EVL: variants seen among roughly 807,000 people sequenced by gnomAD.
The protein encoded by EVL is ena/VASP-like protein.
A neutral mutation model predicts 59.6 loss-of-function variants in EVL; 21 were observed. That is an observed-to-expected ratio of 0.35 (90% CI 0.25 to 0.51). The LOEUF (loss-of-function observed/expected upper bound fraction) is 0.51, where lower values mean the gene tolerates loss of function less well. EVL is among the 20% of genes least tolerant of loss of function. The pLI, the probability that EVL is intolerant of heterozygous loss-of-function variation, is 0.97. For missense variants in EVL, 462 were observed against 546.6 expected (o/e 0.85, Z 1.54); for synonymous variants, 198 against 203.5 (o/e 0.97, Z 0.23).
intron 1 of EVL, among the ~76,000 whole-genome samples, chr14:99,992,531 C>G (rs115942660): frequency 6.6e-6 from 1 of 152,058 alleles, no homozygotes; most frequent in Non-Finnish European, 1.5e-5. Flanking sequence ...GAAACTTTTC[C>G]GCCACGTTTT....
intron 2 of EVL, among the ~76,000 whole-genome samples, chr14:100,087,430 A>T (rs1380134891): frequency 2.0e-5 from 3 of 152,212 alleles, no homozygotes. Flanking sequence ...CCTGGGCAAC[A>T]TAGTGAGACC....
chr14:100,122,467 G>A (rs956363391), intron 3 of EVL, among the ~76,000 whole-genome samples: 27 of 152,202 alleles, frequency 1.8e-4, no homozygotes, highest in African/African-American at 6.3e-4. Flanking sequence ...TGGTAATAAT[G>A]TTCACATATT....
At chr14:100,115,663 G>A (rs1332025421) in intron 3 of EVL, among the ~76,000 whole-genome samples, 2 of 152,160 alleles carry the variant, frequency 1.3e-5, no homozygotes, top group Non-Finnish European at 2.9e-5. Flanking sequence ...TAGGTAGGAG[G>A]GTCTGTTGCA....
At chr14:100,049,793 C>G (rs1006913075) in intron 1 of EVL, among the ~76,000 whole-genome samples, 1 of 152,132 alleles carries the variant, frequency 6.6e-6, no homozygotes, top group African/African-American at 2.4e-5. Context: ...GCAGTCAGTC[C>G]TCAGTCTCCC....
Position 100,129,622 on chromosome 14 carries a change from G to A in EVL, c.777G>A (p.Arg259=), listed in dbSNP as rs267604123. Reference sequence around the variant, plus strand: ...GGACCTCAAAGTCCGATGCCAACCGGGCAAGCAGCGGGGGTGGCGGAGGAG... The same window carrying A: ...GGACCTCAAAGTCCGATGCCAACCGAGCAAGCAGCGGGGGTGGCGGAGGAG... ...PSGTSKSDAN[R]ASSGGGGGGL... is the part of the protein sequence containing the mutation. Residue 259 remains arginine (R), a synonymous_variant, in exon 7 of 14, where the codon CGG becomes CGA. Coordinates refer to ENST00000392920, the MANE Select transcript of EVL (RefSeq NM_016337.3). The A allele has an allele frequency of 9.9e-6, 16 of 1,612,880 alleles. No homozygotes were observed.
chr14:100,003,630 T>A (rs2060960001), intron 1 of EVL, among the ~76,000 whole-genome samples: 1 of 152,156 alleles, frequency 6.6e-6, no homozygotes, highest in Admixed American at 6.5e-5. Context: ...TTGGCCATGC[T>A]GGTCTCAAAC....
chr14:99,998,741 G>A (rs2060928668), intron 1 of EVL, among the ~76,000 whole-genome samples: 1 of 152,016 alleles, frequency 6.6e-6, no homozygotes, highest in East Asian at 1.9e-4. Context: ...GTGTTTACTA[G>A]CGTTTATGTA....
intron 11 of EVL, 168 bp from the exon 12 acceptor site, chr14:100,141,012 C>T (rs1389899188): frequency 1.7e-5 from 10 of 574,722 alleles, no homozygotes; most frequent in Non-Finnish European, 2.1e-5. Flanking sequence ...GAGGTGGAGA[C>T]GGGCGTTAAA....
chr14:100,066,805 G>A (rs1250957185), intron 1 of EVL, among the ~76,000 whole-genome samples: 1 of 152,162 alleles, frequency 6.6e-6, no homozygotes, highest in Non-Finnish European at 1.5e-5. Context: ...AGAAATCCTA[G>A]AAATTTCCAT....
In EVL at chr14:100,103,611, C is replaced by T. The variant is rs534420993; in HGVS notation, c.358+5953C>T. Among the ~76,000 whole-genome samples, 20 of 152,220 alleles carry T rather than the reference C, an allele frequency of 1.3e-4. No individual in the cohort carries two copies. In the South Asian group the frequency reaches 1.7e-3, roughly 13 times the overall value. On this transcript the variant is annotated intron_variant, in intron 3 of 13. Coordinates refer to ENST00000392920, the MANE Select transcript of EVL (RefSeq NM_016337.3). The stretch of plus-strand genomic sequence containing the variant: ...CCTTTCTCTGGGAAGACTTCTGTGG[C>T]CCCCCATGCCCACCCCAGGTGAGGA...
At chr14:100,004,845 T>C (rs920551683) in intron 1 of EVL, among the ~76,000 whole-genome samples, 1 of 152,206 alleles carries the variant, frequency 6.6e-6, no homozygotes, top group Non-Finnish European at 1.5e-5. Context: ...TTGTTCACCT[T>C]TTTAAAAAGG....
intron 2 of EVL, among the ~76,000 whole-genome samples, chr14:100,085,522 C>T (rs1302856920): frequency 2.0e-5 from 3 of 152,184 alleles, no homozygotes; most frequent in Non-Finnish European, 4.4e-5. Context: ...CTCCAACTCT[C>T]TTCTTATAGA....
intron 1 of EVL, among the ~76,000 whole-genome samples, chr14:100,034,092 C>T (rs2061352824): frequency 6.7e-6 from 1 of 149,652 alleles, no homozygotes; most frequent in South Asian, 2.1e-4. Flanking sequence ...CAAAAAAAAA[C>T]AGGCGTGGTG....
chr14:100,103,628 A>C (rs1315333429), intron 3 of EVL, among the ~76,000 whole-genome samples: 1 of 151,968 alleles, frequency 6.6e-6, no homozygotes, highest in African/African-American at 2.4e-5. Context: ...TGCCCACCCC[A>C]GGTGAGGATG....
chr14:100,120,948 G>A (rs1224205179), intron 3 of EVL, among the ~76,000 whole-genome samples: 1 of 152,178 alleles, frequency 6.6e-6, no homozygotes, highest in Admixed American at 6.5e-5. Flanking sequence ...GTTACCTAAC[G>A]AGCCGTGGGA....
intron 3 of EVL, among the ~76,000 whole-genome samples, chr14:100,104,912 T>C (rs1886464898): frequency 6.7e-6 from 1 of 148,418 alleles, no homozygotes; most frequent in South Asian, 2.1e-4. Flanking sequence ...CTTTTTTTTT[T>C]TTTTTTTTTT....
chr14:100,138,368 C>G (rs984481087), intron 11 of EVL: 2 of 154,416 alleles, frequency 1.3e-5, no homozygotes, highest in African/African-American at 4.8e-5. Context: ...AAGCCAAAAG[C>G]TGGCATGACA....
intron 1 of EVL, among the ~76,000 whole-genome samples, chr14:100,007,774 G>GGA (rs369729182): frequency 1.1e-3 from 161 of 150,372 alleles, no homozygotes; most frequent in East Asian, 2.7e-3. Flanking sequence ...CAGAGAGAGA[G>GGA]GAGAGAGAGA....
At chr14:100,137,673 C>A in intron 10 of EVL, 29 bp downstream of exon 10, 2 of 1,614,070 alleles carry the variant, frequency 1.2e-6, no homozygotes, top group Non-Finnish European at 1.7e-6. Flanking sequence ...GCCTGAGCAG[C>A]GAGGCTGGTG....
Sources: gnomAD v4.1 joint callset for allele counts (sites outside exome capture counted in the v4.1 genomes callset) on GRCh38, gnomAD v4.1.1 for gene constraint, MANE v1.5 for transcripts, NCBI Gene and HGNC (gene_info 2026-07-23, HGNC 2026-07-21) for gene names.